DEK: variants seen among roughly 807,000 people sequenced by gnomAD.
DEK encodes protein DEK.
DEK carries 28 observed loss-of-function variants against 46.8 expected under a neutral mutation model. The observed-to-expected ratio is 0.60, with a 90% CI of 0.44 to 0.82. DEK has a LOEUF of 0.82. Among genes scored for constraint, DEK ranks in the 40% least tolerant of loss-of-function variants. The pLI, the probability that DEK is intolerant of heterozygous loss-of-function variation, is 0.00. For missense variants in DEK, 416 were observed against 430.6 expected (o/e 0.97, Z 0.30); for synonymous variants, 160 against 144.5 (o/e 1.11, Z -0.77).
In DEK at chr6:18,263,010, C is replaced by A. The variant is rs538837595; in HGVS notation, c.145+833G>T. On this transcript the variant is annotated intron_variant, in intron 2 of 10. Transcript: ENST00000652689. ...GAGTCGTAAACATATACGAAATAAC[C>A]GCAGACTAAGCTAATATCAAAGAAT... 1.2e-4 allele frequency among the ~76,000 whole-genome samples: 18 copies of A among 152,148 alleles called. No individual in the cohort carries two copies. The East Asian group carries it at 2.9e-3, about 25-fold the overall frequency.
At chr6:18,256,517 C>T in intron 4 of DEK, 62 bp from the exon 5 acceptor site, 2 of 1,394,644 alleles carry the variant, frequency 1.4e-6, no homozygotes, top group South Asian at 2.6e-5. Flanking sequence ...AGAATAAATT[C>T]AAAGCCAATT....
intron 2 of DEK, among the ~76,000 whole-genome samples, chr6:18,259,394 CAAAAAAAAAAAAAAAAAAAAA>C (rs56704006): frequency 1.2e-3 from 50 of 41,480 alleles, no homozygotes; most frequent in East Asian, 2.1e-3. Flanking sequence ...GACTCCGTCT[CAAAAAAAAAAAAAAAAAAAAA>C]AAAAAAAAAA....
rs143805211 is a variant in DEK, at chr6:18,242,461, T to C, written c.763-4945A>G. On this transcript the variant is annotated intron_variant, in intron 7 of 10. Transcript: ENST00000652689. ...TGTTGTCAACCATAGTCTGAAAATA[T>C]TAAATGGAAAATTCCAGAAGTAAAC... is the stretch of plus-strand genomic sequence containing the variant. 4.3e-4 allele frequency among the ~76,000 whole-genome samples: 66 copies of C among 152,340 alleles called. No individual in the cohort carries two copies. In the East Asian group the frequency reaches 5.6e-3, roughly 13 times the overall value.
chr6:18,242,061 A>G (rs1790911845), intron 7 of DEK, among the ~76,000 whole-genome samples: 1 of 152,246 alleles, frequency 6.6e-6, no homozygotes, highest in African/African-American at 2.4e-5. Context: ...GGAATTCTAG[A>G]GAGAACTCTG....
intron 7 of DEK, among the ~76,000 whole-genome samples, chr6:18,246,018 T>C (rs932520604): frequency 6.6e-6 from 1 of 152,084 alleles, no homozygotes; most frequent in Non-Finnish European, 1.5e-5. Context: ...TCCACCATGA[T>C]TGTGAGGCCA....
At chr6:18,232,611 T>C (rs536537418) in intron 9 of DEK, among the ~76,000 whole-genome samples, 3 of 152,248 alleles carry the variant, frequency 2.0e-5, no homozygotes, top group South Asian at 2.1e-4. Flanking sequence ...CCATTCACAA[T>C]TGCTTCAAAG....
chr6:18,250,059 T>C (rs1242432872), intron 6 of DEK, among the ~76,000 whole-genome samples: 2 of 152,190 alleles, frequency 1.3e-5, no homozygotes, highest in East Asian at 1.9e-4. Context: ...CCCTTCTCAA[T>C]TGTAGAGAAA....
chr6:18,229,353 C>T (rs1011203904), intron 9 of DEK, among the ~76,000 whole-genome samples: 3 of 152,172 alleles, frequency 2.0e-5, no homozygotes, highest in African/African-American at 4.8e-5. Context: ...CACAGCTCCT[C>T]GCCAGCAATG....
chr6:18,249,879 A>G (rs371138981), intron 6 of DEK, 40 bp from the exon 7 acceptor site: 1 of 1,533,964 alleles, frequency 6.5e-7, no homozygotes, highest in Non-Finnish European at 8.7e-7. Context: ...ATGAGGTATA[A>G]TATTTCAATC....
chr6:18,242,486 C>A (rs968107168), intron 7 of DEK, among the ~76,000 whole-genome samples: 2 of 152,106 alleles, frequency 1.3e-5, no homozygotes, highest in Admixed American at 6.5e-5. Flanking sequence ...CAGAAGTAAA[C>A]AACTCATAAA....
Position 18,225,658 on chromosome 6 carries a change from A to G in DEK, c.*61T>C, listed in dbSNP as rs975388687. 6.4e-6 allele frequency: 10 copies of G among 1,572,138 alleles called. No individual in the cohort carries two copies. The East Asian group carries it at 2.1e-4, about 32-fold the overall frequency. On this transcript the variant is annotated 3_prime_UTR_variant, in exon 11 of 11. Transcript: ENST00000652689. ...AAGGAAATACATTCTCTTTGCTGGTATAATGGTATAAATCAGATCTTCAAA... is the reference window on the plus strand; with the variant it reads ...AAGGAAATACATTCTCTTTGCTGGTGTAATGGTATAAATCAGATCTTCAAA...
intron 7 of DEK, among the ~76,000 whole-genome samples, chr6:18,244,000 T>C (rs1791003336): frequency 6.6e-6 from 1 of 152,178 alleles, no homozygotes; most frequent in Admixed American, 6.5e-5. Context: ...CTGACCCCCA[T>C]TTTAAGTCTC....
chr6:18,261,161 T>C (rs954710860), intron 2 of DEK, among the ~76,000 whole-genome samples: 1 of 152,098 alleles, frequency 6.6e-6, no homozygotes, highest in African/African-American at 2.4e-5. Flanking sequence ...GCTTGCATCC[T>C]GAGCTGCCCA....
chr6:18,262,268 G>A (rs1169696902), intron 2 of DEK, among the ~76,000 whole-genome samples: 3 of 148,366 alleles, frequency 2.0e-5, no homozygotes, highest in African/African-American at 7.6e-5. Context: ...AAACTACCCT[G>A]CCTCAAGTGT....
rs189991785 is a variant in DEK at position 18,249,234 on chromosome 6, A to G, written c.762+417T>C. Among the ~76,000 whole-genome samples, 769 of 152,254 alleles carry G rather than the reference A, an allele frequency of 5.1e-3. 4 individuals carry two copies. Among genetic ancestry groups the G allele is most frequent in the Non-Finnish European group, 6.6e-3 (451 of 68,016 alleles). On this transcript the variant is annotated intron_variant, in intron 7 of 10. Coordinates refer to ENST00000652689, the MANE Select transcript of DEK (RefSeq NM_003472.4). ...TAGTCCCCTAAAGGTTGAGGGGGGG[A>G]AAAAGGCCCTTAAGTCCCTTGCTTT...
At chr6:18,241,668 G>C (rs1790899414) in intron 7 of DEK, among the ~76,000 whole-genome samples, 1 of 152,188 alleles carries the variant, frequency 6.6e-6, no homozygotes, top group Non-Finnish European at 1.5e-5. Context: ...TTATGGACTA[G>C]ATTTGTCACC....
At chr6:18,237,860 C>CTTTTTTTT (rs60332682) in intron 7 of DEK, among the ~76,000 whole-genome samples, 20 of 88,472 alleles carry the variant, frequency 2.3e-4, no homozygotes, top group East Asian at 7.0e-4. Context: ...CAACTGGAAT[C>CTTTTTTTT]TTTTTTTTTT....
chr6:18,232,670 C>T (rs952655207), intron 9 of DEK, among the ~76,000 whole-genome samples: 3 of 152,138 alleles, frequency 2.0e-5, no homozygotes, highest in Non-Finnish European at 2.9e-5. Context: ...TGAAGGACCT[C>T]TTCAAGGAGA....
intron 6 of DEK, among the ~76,000 whole-genome samples, chr6:18,251,862 G>A (rs2151090283): frequency 6.6e-6 from 1 of 152,112 alleles, no homozygotes; most frequent in Non-Finnish European, 1.5e-5. Flanking sequence ...GACTGAAACA[G>A]GTTCTGGATA....
Sources: allele counts gnomAD v4.1 joint callset (sites outside exome capture counted in the v4.1 genomes callset), GRCh38; gene constraint gnomAD v4.1.1; transcripts MANE v1.5; gene names NCBI Gene and HGNC (gene_info 2026-07-23, HGNC 2026-07-21).